SLC8A1: variants seen among roughly 807,000 people sequenced by gnomAD.
The protein encoded by SLC8A1 is sodium/calcium exchanger 1.
In SLC8A1, 18 loss-of-function variants were observed where a neutral mutation model predicts 68.3. The observed-to-expected ratio is 0.26, with a 90% CI of 0.18 to 0.39. The LOEUF (loss-of-function observed/expected upper bound fraction) is 0.39. Ranked by LOEUF, SLC8A1 falls within the 10% of genes least tolerant of loss-of-function variation. SLC8A1 has a pLI of 1.00. For missense variants in SLC8A1, 985 were observed against 1,156.7 expected (o/e 0.85, Z 2.15); for synonymous variants, 475 against 415.5 (o/e 1.14, Z -1.74).
At chr2:40,132,684 T>C (rs569787227) in intron 7 of SLC8A1, among the ~76,000 whole-genome samples, 1 of 152,222 alleles carries the variant, frequency 6.6e-6, no homozygotes, top group African/African-American at 2.4e-5. Context: ...TTACTAAAAA[T>C]AATATAATGT....
intron 2 of SLC8A1, among the ~76,000 whole-genome samples, chr2:40,370,843 A>C (rs1575776244): frequency 6.6e-6 from 1 of 152,082 alleles, no homozygotes; most frequent in East Asian, 1.9e-4. Flanking sequence ...AAATAAGGAA[A>C]TTGAAGGTTT....
chr2:40,427,164 T>C (rs930712271), intron 2 of SLC8A1, among the ~76,000 whole-genome samples: 2 of 152,058 alleles, frequency 1.3e-5, no homozygotes, highest in African/African-American at 2.4e-5. Context: ...CATTGTGATA[T>C]TGTACTCGAC....
intron 2 of SLC8A1, among the ~76,000 whole-genome samples, chr2:40,382,647 T>C (rs1287620010): frequency 7.8e-6 from 1 of 128,302 alleles, no homozygotes; most frequent in Non-Finnish European, 1.6e-5. Context: ...TGCAATTAGA[T>C]TGCCTTGCAA....
chr2:40,250,625 A>T (rs2062590365), intron 2 of SLC8A1: 1 of 152,146 alleles, frequency 6.6e-6, no homozygotes, highest in Non-Finnish European at 1.5e-5. Flanking sequence ...TACTTATGGA[A>T]CATAATTTGG....
At chr2:40,502,500 A>G (rs991444542) in intron 1 of SLC8A1, among the ~76,000 whole-genome samples, 3 of 152,090 alleles carry the variant, frequency 2.0e-5, no homozygotes, top group African/African-American at 7.2e-5. Flanking sequence ...AATAATAACT[A>G]ATATTTATTG....
chr2:40,231,767 C>G (rs2059677665), intron 2 of SLC8A1, among the ~76,000 whole-genome samples: 1 of 152,102 alleles, frequency 6.6e-6, no homozygotes, highest in African/African-American at 2.4e-5. Flanking sequence ...ACTAGCAACA[C>G]CCACATCAAT....
chr2:40,322,881 T>G (rs2075374924), intron 2 of SLC8A1, among the ~76,000 whole-genome samples: 1 of 151,664 alleles, frequency 6.6e-6, no homozygotes, highest in African/African-American at 2.4e-5. Context: ...GAATCTCATT[T>G]AATCCTTAGA....
At chr2:40,458,005 C>T (rs902341188) in intron 1 of SLC8A1, among the ~76,000 whole-genome samples, 4 of 152,138 alleles carry the variant, frequency 2.6e-5, no homozygotes, top group African/African-American at 4.8e-5. Context: ...AGACATTCTG[C>T]CTCTATTGGT....
intron 2 of SLC8A1, among the ~76,000 whole-genome samples, chr2:40,198,034 G>A (rs567123635): frequency 1.3e-5 from 2 of 151,994 alleles, no homozygotes; most frequent in Non-Finnish European, 2.9e-5. Flanking sequence ...TATCAGAATG[G>A]ACCAGATGAG....
Position 40,268,640 on chromosome 2 carries a change from C to T in SLC8A1, c.1809-90785G>A, listed in dbSNP as rs190292721. Among the ~76,000 whole-genome samples the T allele has an allele frequency of 8.0e-4, 122 of 152,222 alleles. 1 individual carries two copies. The highest frequency in any genetic ancestry group is 6.8e-3 in the Middle Eastern group (2 of 294). On this transcript the variant is annotated intron_variant, in intron 2 of 7. Transcript: ENST00000406785. The stretch of plus-strand genomic sequence containing the variant: ...ATCAAACCATCTGAAATCCTATGTA[C>T]GTGTATAAGGGCAGAAAATAGGTCA...
At chr2:40,220,585 A>G (rs116682698) in intron 2 of SLC8A1, among the ~76,000 whole-genome samples, 4,696 of 152,288 alleles carry the variant, frequency 0.031, 259 homozygotes, top group African/African-American at 0.11. Flanking sequence ...CATTAAGAAA[A>G]AAGCACTCAG....
At chr2:40,189,555 C>T (rs929104409) in intron 2 of SLC8A1, among the ~76,000 whole-genome samples, 1 of 152,046 alleles carries the variant, frequency 6.6e-6, no homozygotes, top group Non-Finnish European at 1.5e-5. Flanking sequence ...TCAGGTAATA[C>T]CACCCACCCC....
chr2:40,125,127 T>G (rs2037788634), intron 7 of SLC8A1, among the ~76,000 whole-genome samples: 1 of 152,230 alleles, frequency 6.6e-6, no homozygotes, highest in African/African-American at 2.4e-5. Context: ...AATAGACATT[T>G]AAATAGAGTC....
chr2:40,269,541 C>A (rs1444436626), intron 2 of SLC8A1, among the ~76,000 whole-genome samples: 1 of 152,122 alleles, frequency 6.6e-6, no homozygotes, highest in Non-Finnish European at 1.5e-5. Flanking sequence ...CCCTTTATTT[C>A]CCATAGGTTC....
exon 8 of SLC8A1, chr2:40,111,095 G>C (rs2034530256): frequency 6.6e-6 from 1 of 152,016 alleles, no homozygotes; most frequent in South Asian, 2.1e-4. Flanking sequence ...ACAATATTTT[G>C]TAAAAATTTT....
rs1396943600 is a variant in SLC8A1, at chr2:40,261,532, C to A, written c.1809-83677G>T. Among the ~76,000 whole-genome samples, 5 of 152,140 alleles carry A rather than the reference C, an allele frequency of 3.3e-5. No individual in the cohort carries two copies. The South Asian group carries it at 6.2e-4, about 19-fold the overall frequency. ...ACTTCAATCCCAAGGTCTTTCTTGG[C>A]TGATTTGAGTTCCTTCTTTCAGAGA... is the stretch of plus-strand genomic sequence containing the variant. On this transcript the variant is annotated intron_variant, in intron 2 of 7. Coordinates refer to ENST00000406785, the Ensembl canonical transcript of SLC8A1.
chr2:40,150,458 G>A (rs923833394), intron 6 of SLC8A1, among the ~76,000 whole-genome samples: 3 of 152,134 alleles, frequency 2.0e-5, no homozygotes, highest in Non-Finnish European at 4.4e-5. Flanking sequence ...AAAGGCTCCC[G>A]ACTGGGGATG....
At chr2:40,182,470 T>G (rs931494793) in intron 2 of SLC8A1, among the ~76,000 whole-genome samples, 1 of 152,166 alleles carries the variant, frequency 6.6e-6, no homozygotes, top group Non-Finnish European at 1.5e-5. Context: ...GAAGTACATT[T>G]TGGTTCTATT....
intron 2 of SLC8A1, among the ~76,000 whole-genome samples, chr2:40,311,032 G>A (rs2073569836): frequency 1.3e-5 from 2 of 152,062 alleles, no homozygotes; most frequent in Admixed American, 1.3e-4. Flanking sequence ...TTTAGAAACT[G>A]AGAGAAATAA....
Sources: allele counts gnomAD v4.1 joint callset (sites outside exome capture counted in the v4.1 genomes callset), GRCh38; gene constraint gnomAD v4.1.1; transcripts MANE v1.5; gene names NCBI Gene and HGNC (gene_info 2026-07-23, HGNC 2026-07-21).